ADCY2: variants seen among roughly 807,000 people sequenced by gnomAD.
ADCY2 encodes the protein adenylate cyclase 2, also known as adenylate cyclase type 2.
A neutral mutation model predicts 125.2 loss-of-function variants in ADCY2; 31 were observed. The ratio of observed to expected loss-of-function variants is 0.25; its 90% CI spans 0.19 to 0.33. The LOEUF (loss-of-function observed/expected upper bound fraction) is 0.33, where lower values mean the gene tolerates loss of function less well. Ranked by LOEUF, ADCY2 falls within the 10% of genes least tolerant of loss-of-function variation. The probability of loss-of-function intolerance (pLI) is 1.00; values close to 1 mark genes in which losing one functional copy is unlikely to be tolerated. For missense variants in ADCY2, 904 were observed against 1,418.2 expected (o/e 0.64, Z 5.82); for synonymous variants, 512 against 548.4 (o/e 0.93, Z 0.93).
At chr5:7,552,043 A>G (rs1258251345) in intron 3 of ADCY2, among the ~76,000 whole-genome samples, 2 of 152,338 alleles carry the variant, frequency 1.3e-5, no homozygotes, top group Non-Finnish European at 2.9e-5. Flanking sequence ...CATTTAATTA[A>G]AATTACTATC....
At chr5:7,420,964 C>G (rs987492943) in intron 2 of ADCY2, among the ~76,000 whole-genome samples, 1 of 152,076 alleles carries the variant, frequency 6.6e-6, no homozygotes, top group Admixed American at 6.6e-5. Flanking sequence ...CCTGGTGCAT[C>G]TAGTAAGTGG....
At chr5:7,647,899 C>T (rs1235627125) in intron 4 of ADCY2, among the ~76,000 whole-genome samples, 1 of 152,138 alleles carries the variant, frequency 6.6e-6, no homozygotes, top group East Asian at 1.9e-4. Context: ...AAGTATAAAG[C>T]AAAAGAACAA....
At chr5:7,781,572 A>G (rs1394222959) in intron 18 of ADCY2, among the ~76,000 whole-genome samples, 1 of 152,196 alleles carries the variant, frequency 6.6e-6, no homozygotes, top group Non-Finnish European at 1.5e-5. Context: ...AGACCAAGGC[A>G]AGGAAGCATT....
At chr5:7,542,501 T>C (rs1422767114) in intron 3 of ADCY2, among the ~76,000 whole-genome samples, 1 of 152,216 alleles carries the variant, frequency 6.6e-6, no homozygotes, top group African/African-American at 2.4e-5. Context: ...TCTGTTCCAA[T>C]TCTGTCCTTT....
At chr5:7,749,785 C>T (rs574690519) in intron 15 of ADCY2, 4 of 152,300 alleles carry the variant, frequency 2.6e-5, no homozygotes, top group South Asian at 2.1e-4. Flanking sequence ...AGCCCACCAA[C>T]GTTCTTCCAG....
intron 15 of ADCY2, among the ~76,000 whole-genome samples, chr5:7,748,541 C>CAG (rs1339491724): frequency 4.2e-5 from 2 of 47,518 alleles, no homozygotes; most frequent in African/African-American, 1.0e-4. Flanking sequence ...CACACACACA[C>CAG]ACACACACAC....
chr5:7,689,041 A>G (rs977090312), intron 4 of ADCY2, among the ~76,000 whole-genome samples: 1 of 152,228 alleles, frequency 6.6e-6, no homozygotes, highest in Non-Finnish European at 1.5e-5. Flanking sequence ...AGCTAGCAAT[A>G]GAAGCACATT....
chr5:7,523,442 C>G (rs1744536320), intron 3 of ADCY2, among the ~76,000 whole-genome samples: 1 of 151,888 alleles, frequency 6.6e-6, no homozygotes, highest in African/African-American at 2.4e-5. Flanking sequence ...AAAATAGCAC[C>G]AAGAATAAAA....
intron 3 of ADCY2, among the ~76,000 whole-genome samples, chr5:7,619,642 T>C (rs1737884740): frequency 6.6e-6 from 1 of 152,202 alleles, no homozygotes; most frequent in South Asian, 2.1e-4. Flanking sequence ...TTTCCCATAG[T>C]GGAGAGAAGC....
At chr5:7,769,315 T>C (rs1233251178) in intron 17 of ADCY2, among the ~76,000 whole-genome samples, 2 of 152,204 alleles carry the variant, frequency 1.3e-5, no homozygotes, top group Non-Finnish European at 2.9e-5. Context: ...TAACACACGA[T>C]AAGGTTATGC....
intron 4 of ADCY2, among the ~76,000 whole-genome samples, chr5:7,635,017 A>C (rs967293477): frequency 1.3e-5 from 2 of 152,176 alleles, no homozygotes; most frequent in African/African-American, 4.8e-5. Flanking sequence ...TGTTCCCAGC[A>C]AAAGAAGTGG....
chr5:7,769,255 G>T (rs532568185), intron 17 of ADCY2, among the ~76,000 whole-genome samples: 1 of 151,866 alleles, frequency 6.6e-6, no homozygotes, highest in Non-Finnish European at 1.5e-5. Context: ...CAAAAAGAAA[G>T]AAAACAACCT....
chr5:7,493,108 G>GT (rs1743223712), intron 2 of ADCY2, among the ~76,000 whole-genome samples: 1 of 152,148 alleles, frequency 6.6e-6, no homozygotes, highest in Non-Finnish European at 1.5e-5. Context: ...AACCATTGAT[G>GT]TAAGAGAAGG....
At chr5:7,778,717 T>C (rs1197350497) in intron 18 of ADCY2, among the ~76,000 whole-genome samples, 1 of 152,170 alleles carries the variant, frequency 6.6e-6, no homozygotes, top group Non-Finnish European at 1.5e-5. Context: ...CTCATGGAAA[T>C]CCCAATGGCT....
intron 2 of ADCY2, among the ~76,000 whole-genome samples, chr5:7,451,980 G>A (rs1264029534): frequency 1.3e-5 from 2 of 151,840 alleles, no homozygotes; most frequent in Non-Finnish European, 2.9e-5. Flanking sequence ...GGCACATCTC[G>A]GCTCACTGCA....
intron 2 of ADCY2, among the ~76,000 whole-genome samples, chr5:7,505,217 A>C (rs1743764880): frequency 6.6e-6 from 1 of 152,168 alleles, no homozygotes; most frequent in African/African-American, 2.4e-5. Flanking sequence ...AAGCCTGTTA[A>C]GTGTGTAGTT....
chr5:7,551,902 C>T (rs1050541483), intron 3 of ADCY2, among the ~76,000 whole-genome samples: 4 of 152,344 alleles, frequency 2.6e-5, no homozygotes, highest in Admixed American at 2.6e-4. Flanking sequence ...CTTGTCTAAA[C>T]TTATGCCCAA....
At chr5:7,448,605 C>A (rs1689285297) in intron 2 of ADCY2, among the ~76,000 whole-genome samples, 1 of 152,084 alleles carries the variant, frequency 6.6e-6, no homozygotes, top group African/African-American at 2.4e-5. Flanking sequence ...GCCCAGCATC[C>A]ATTAGCTGTT....
In ADCY2 at chr5:7,826,950, T is replaced by G; in HGVS notation, c.*79T>G. 6.6e-7 allele frequency: 1 copy of G among 1,505,754 alleles called. No individual in the cohort carries two copies. Among genetic ancestry groups the G allele is most frequent in the Non-Finnish European group, 8.9e-7 (1 of 1,117,764 alleles). The allele number at this position is 1,505,754 out of a possible 1,614,324, so 93.3% of individuals were successfully genotyped here. A position where few individuals can be genotyped will look rare whatever the true frequency, so the allele number is the denominator to read the frequency against. ...CTTTCTGACTGCAACTTCTGTCCCT[T>G]GTTTTTGATGTGCGTGCTGTCTGTC... is the stretch of plus-strand genomic sequence containing the variant. On this transcript the variant is annotated 3_prime_UTR_variant, in exon 25 of 25. Coordinates refer to ENST00000338316, the MANE Select transcript of ADCY2 (RefSeq NM_020546.3).
Sources: gnomAD v4.1 joint callset for allele counts (sites outside exome capture counted in the v4.1 genomes callset) on GRCh38, gnomAD v4.1.1 for gene constraint, MANE v1.5 for transcripts, NCBI Gene and HGNC (gene_info 2026-07-23, HGNC 2026-07-21) for gene names.